TRDN: variants seen among roughly 807,000 people sequenced by gnomAD.
TRDN encodes the protein triadin in skeletal muscle.
Under a neutral mutation model 149.7 loss-of-function variants are expected in TRDN, and 161 were observed. That is an observed-to-expected ratio of 1.08 (90% CI 0.95 to 1.23). The LOEUF is 1.23. Among genes scored for constraint, TRDN ranks in the 50% most tolerant of loss-of-function variants. The probability of loss-of-function intolerance (pLI) is 0.00; values close to 1 mark genes in which losing one functional copy is unlikely to be tolerated. For synonymous variants in TRDN, 294 were observed against 250.5 expected, an observed-to-expected ratio of 1.17 and a Z score of -1.64; for missense variants, 896 against 823.5, an observed-to-expected ratio of 1.09 and a Z score of -1.08.
intron 5 of TRDN, among the ~76,000 whole-genome samples, 152 bp downstream of exon 5, chr6:123,530,331 CATTTATAACTGAAATTAACTGAT>C (rs1263631489): frequency 6.5e-5 from 2 of 30,944 alleles, no homozygotes; most frequent in African/African-American, 1.5e-4. Context: ...GTTATTTATA[CATTTATAACTGAAATTAACTGAT>C]ATACATTTAT....
intron 4 of TRDN, among the ~76,000 whole-genome samples, chr6:123,536,792 G>A (rs973779463): frequency 2.0e-5 from 3 of 151,996 alleles, no homozygotes; most frequent in African/African-American, 2.4e-5. Flanking sequence ...GCTGAGACAG[G>A]AGGATCCCTT....
At chr6:123,511,214 A>C (rs6938781) in intron 7 of TRDN, among the ~76,000 whole-genome samples, 133,164 of 152,154 alleles carry the variant, frequency 0.88, 58,279 homozygotes, top group East Asian at 0.98. Context: ...TTTCCTAGTA[A>C]AATTTATTGA....
chr6:123,293,570 C>A (rs1253883880), intron 24 of TRDN, among the ~76,000 whole-genome samples: 2 of 151,964 alleles, frequency 1.3e-5, no homozygotes, highest in Non-Finnish European at 2.9e-5. Context: ...GGTAGGAGTA[C>A]CCCCCTTCTG....
At chr6:123,293,725 A>G (rs895345177) in intron 24 of TRDN, among the ~76,000 whole-genome samples, 3 of 152,102 alleles carry the variant, frequency 2.0e-5, no homozygotes, top group Non-Finnish European at 4.4e-5. Flanking sequence ...CTGGTCATGA[A>G]TGGGAAGAAG....
At chr6:123,323,086 G>C (rs753073763) in intron 23 of TRDN, among the ~76,000 whole-genome samples, 25 of 152,060 alleles carry the variant, frequency 1.6e-4, no homozygotes, top group African/African-American at 6.0e-4. Context: ...TTAAAATGCT[G>C]TTTCAAAATG....
chr6:123,428,561 C>T (rs1039238318), intron 12 of TRDN, among the ~76,000 whole-genome samples: 1 of 152,302 alleles, frequency 6.6e-6, no homozygotes, highest in South Asian at 2.1e-4. Flanking sequence ...TAAATTCCTT[C>T]TTTGAGATCA....
chr6:123,615,065 C>T (rs929033473), intron 1 of TRDN, among the ~76,000 whole-genome samples: 3 of 152,008 alleles, frequency 2.0e-5, no homozygotes, highest in Non-Finnish European at 2.9e-5. Flanking sequence ...CTCAACACCA[C>T]GAATCATCAG....
At position 123,503,815 on chromosome 6, in the gene TRDN, T is replaced by TTC; in HGVS notation, c.696_697insGA (p.Thr233GlufsTer6). On this transcript the variant is annotated frameshift_variant, in exon 8 of 41. Transcript: ENST00000334268. LOFTEE classifies it high-confidence loss of function. Reference sequence around the variant, plus strand: ...TGTACTTCTTTTACTTTTGCAGCTGTTTGCTTCACTTTCTCCTGTTTTCCA... The same window carrying TTC: ...TGTACTTCTTTTACTTTTGCAGCTGTTCTTGCTTCACTTTCTCCTGTTTTCCA... 1 of 1,610,404 alleles carries TTC rather than the reference T, an allele frequency of 6.2e-7. No individual in the cohort carries two copies. The highest frequency in any genetic ancestry group is 8.5e-7 in the Non-Finnish European group (1 of 1,177,942).
intron 1 of TRDN, among the ~76,000 whole-genome samples, chr6:123,599,130 CTATT>C (rs2114643031): frequency 6.6e-6 from 1 of 152,186 alleles, no homozygotes; most frequent in Non-Finnish European, 1.5e-5. Flanking sequence ...AACTCCCTAA[CTATT>C]AATTGATAAC....
chr6:123,535,367 T>C (rs894265307), intron 4 of TRDN, among the ~76,000 whole-genome samples: 1 of 152,154 alleles, frequency 6.6e-6, no homozygotes, highest in African/African-American at 2.4e-5. Context: ...GTAGGAAGTG[T>C]ATTTCTACTT....
chr6:123,591,568 A>T (rs1002472698), intron 1 of TRDN, among the ~76,000 whole-genome samples: 3 of 152,192 alleles, frequency 2.0e-5, no homozygotes, highest in African/African-American at 7.2e-5. Context: ...TAAGTTATTT[A>T]AAAGGTTTAG....
At chr6:123,278,979 A>G in intron 25 of TRDN, 77 bp downstream of exon 25, 1 of 1,302,422 alleles carries the variant, frequency 7.7e-7, no homozygotes, top group Non-Finnish European at 1.1e-6. Context: ...GATAAATAAC[A>G]GCATGCATTT....
At chr6:123,279,114 G>A (rs754048663) in intron 24 of TRDN, 32 bp from the exon 25 acceptor site, 2 of 1,563,106 alleles carry the variant, frequency 1.3e-6, no homozygotes, top group Non-Finnish European at 1.7e-6. Context: ...ATTAAAGGCT[G>A]AGTCATACAA....
chr6:123,381,391 C>T lies in TRDN; in HGVS notation c.1166-1G>A, dbSNP rs1298986609. On this transcript the variant is annotated splice_acceptor_variant, in intron 15 of 40. Coordinates refer to ENST00000334268, the MANE Select transcript of TRDN (RefSeq NM_006073.4). LOFTEE classifies it high-confidence loss of function. ...TTACTTTTTCCCTTGGGTTGTTCTA[C>T]TGAAAGAAATACAAACAAAATCATT... is the stretch of plus-strand genomic sequence containing the variant. The T allele has an allele frequency of 2.7e-5, 42 of 1,557,024 alleles. No homozygotes were observed. Among genetic ancestry groups the T allele is most frequent in the Non-Finnish European group, 3.4e-5 (39 of 1,149,234 alleles).
chr6:123,251,217 G>T (rs1486412383), intron 38 of TRDN, among the ~76,000 whole-genome samples: 1 of 151,862 alleles, frequency 6.6e-6, no homozygotes, highest in East Asian at 1.9e-4. Flanking sequence ...TGTAATCAAA[G>T]ACCTTTGAAT....
chr6:123,562,086 T>C (rs536871529), intron 2 of TRDN, among the ~76,000 whole-genome samples: 1 of 152,262 alleles, frequency 6.6e-6, no homozygotes, highest in Admixed American at 6.5e-5. Flanking sequence ...TGACATTACC[T>C]TGTGAAATTC....
At chr6:123,397,869 G>A (rs952885118) in intron 12 of TRDN, among the ~76,000 whole-genome samples, 5 of 152,180 alleles carry the variant, frequency 3.3e-5, no homozygotes, top group Non-Finnish European at 7.3e-5. Context: ...TTAAGAGCAT[G>A]TTTGAGATAA....
chr6:123,477,826 G>A (rs949100214), intron 9 of TRDN, among the ~76,000 whole-genome samples: 26 of 148,352 alleles, frequency 1.8e-4, no homozygotes, highest in Non-Finnish European at 3.3e-4. Flanking sequence ...ACCAAACACC[G>A]CATATTCTCA....
intron 22 of TRDN, among the ~76,000 whole-genome samples, chr6:123,333,214 C>A (rs1029327423): frequency 6.6e-6 from 1 of 151,972 alleles, no homozygotes; most frequent in African/African-American, 2.4e-5. Context: ...GTGGTGGGAA[C>A]AGACTCCCAG....
Sources: allele counts gnomAD v4.1 joint callset (sites outside exome capture counted in the v4.1 genomes callset), GRCh38; gene constraint gnomAD v4.1.1; transcripts MANE v1.5; gene names NCBI Gene and HGNC (gene_info 2026-07-23, HGNC 2026-07-21).